Variants in MEDAG observed in about 807,000 individuals in gnomAD.
MEDAG encodes mesenteric estrogen-dependent adipogenesis protein.
A neutral mutation model predicts 29.9 loss-of-function variants in MEDAG; 25 were observed. The ratio of observed to expected loss-of-function variants is 0.84; its 90% confidence interval spans 0.61 to 1.17. MEDAG has a LOEUF of 1.17. Ranked by LOEUF, MEDAG falls within the 50% of genes most tolerant of loss-of-function variation. The probability of loss-of-function intolerance (pLI) is 0.00; values close to 1 mark genes in which losing one functional copy is unlikely to be tolerated. For missense variants in MEDAG, 398 were observed against 372.9 expected (o/e 1.07, Z -0.56); for synonymous variants, 158 against 148.2 (o/e 1.07, Z -0.48).
chr13:30,909,290 G>A (rs1207285643), intron 1 of MEDAG, among the ~76,000 whole-genome samples: 1 of 151,984 alleles, frequency 6.6e-6, no homozygotes, highest in African/African-American at 2.4e-5. Flanking sequence ...TTTCCTCGAG[G>A]CCAGGCAGTT....
rs1005094034 is a variant in MEDAG, at chr13:30,925,343, A to C, written c.*908A>C. 1 of 152,230 alleles carries C rather than the reference A, an allele frequency of 6.6e-6. No homozygotes were observed. The highest frequency in any genetic ancestry group is 2.4e-5 in the African/African-American group (1 of 41,456). 9.4% of individuals were successfully genotyped at this position (152,230 alleles called of 1,614,324 possible). A position where few individuals can be genotyped will look rare whatever the true frequency, so the allele number is the denominator to read the frequency against. On this transcript the variant is annotated 3_prime_UTR_variant, in exon 5 of 5. Transcript: ENST00000380482. The stretch of plus-strand genomic sequence containing the variant: ...AAAAGGAAAAAAAAATCCTATCTAC[A>C]TATAAAAACCTGCATGAATGAATCA...
Position 30,921,770 on chromosome 13 carries a change from A to G in MEDAG, c.711A>G (p.Leu237=), listed in dbSNP as rs536772013. 1 of 1,613,502 alleles carries G rather than the reference A, an allele frequency of 6.2e-7. No homozygotes were observed. Among genetic ancestry groups the G allele is most frequent in the Non-Finnish European group, 8.5e-7 (1 of 1,179,850 alleles). The change falls in exon 4 of 5, where the codon TTA becomes TTG. Residue 237 remains leucine, a synonymous_variant. Coordinates refer to ENST00000380482, the MANE Select transcript of MEDAG (RefSeq NM_032849.4). ...TSPEKKETIK[L]FLEKMSEPLI... is the part of the protein sequence containing the mutation. ...CAGAAAAGAAGGAGACGATTAAGTT[A>G]TTTCTGGAAAAAATGAGTGAGCCTT...
At position 30,921,488 on chromosome 13, in the gene MEDAG, C is replaced by T. The variant is rs756349736; in HGVS notation, c.502-73C>T. ...AGGTGTGATGTTTTGGATATTTAGG[C>T]GGTTGTTAGTTCTACAATGTCAACA... On this transcript the variant is annotated intron_variant, in intron 3 of 4. Transcript: ENST00000380482. 8 of 1,346,790 alleles carry T rather than the reference C, an allele frequency of 5.9e-6. No individual in the cohort carries two copies. In the East Asian group the frequency reaches 9.3e-5, roughly 16 times the overall value. 83.4% of individuals were successfully genotyped at this position (1,346,790 alleles called of 1,614,324 possible).
At chr13:30,922,825 C>G (rs1353587746) in intron 4 of MEDAG, 1 of 152,214 alleles carries the variant, frequency 6.6e-6, no homozygotes, top group African/African-American at 2.4e-5. Flanking sequence ...AGAAAACCAG[C>G]AGTCTCTGTG....
At chr13:30,911,781 A>G (rs1952884741) in intron 1 of MEDAG, among the ~76,000 whole-genome samples, 1 of 152,210 alleles carries the variant, frequency 6.6e-6, no homozygotes, top group Non-Finnish European at 1.5e-5. Flanking sequence ...GTCTTAGACC[A>G]GTGCTTCTCA....
chr13:30,908,347 T>G lies in MEDAG; in HGVS notation c.278+1554T>G, dbSNP rs116559172. Among the ~76,000 whole-genome samples the G allele has an allele frequency of 8.6e-3, 1,317 of 152,320 alleles. 31 individuals are homozygous for G. Among genetic ancestry groups the G allele is most frequent in the African/African-American group, 0.03 (1,262 of 41,564 alleles). ...GGCTATCATTGTATAAGCAATACTG[T>G]GAGGGCTTCTTTTGTACCTGGGAAA... is the stretch of plus-strand genomic sequence containing the variant. On this transcript the variant is annotated intron_variant, in intron 1 of 4. Transcript: ENST00000380482.
Position 30,919,435 on chromosome 13 carries a change from C to G in MEDAG, c.389-1579C>G, listed in dbSNP as rs149968379. Among the ~76,000 whole-genome samples, 4 of 152,312 alleles carry G rather than the reference C, an allele frequency of 2.6e-5. No homozygotes were observed. The East Asian group carries it at 7.7e-4, about 29-fold the overall frequency. ...TTAGGCAGTGTACAACCTGCCCCAT[C>G]AGCACAACTGTGGAGTGTTGTGGCC... On this transcript the variant is annotated intron_variant, in intron 2 of 4. Transcript: ENST00000380482.
chr13:30,911,771 G>A (rs1952884629), intron 1 of MEDAG, among the ~76,000 whole-genome samples: 1 of 152,160 alleles, frequency 6.6e-6, no homozygotes, highest in African/African-American at 2.4e-5. Flanking sequence ...CAGGGACCAT[G>A]TCTTAGACCA....
At chr13:30,909,334 A>G (rs1309720621) in intron 1 of MEDAG, among the ~76,000 whole-genome samples, 3 of 151,992 alleles carry the variant, frequency 2.0e-5, no homozygotes, top group East Asian at 1.9e-4. Context: ...TGCCTTGTCT[A>G]TCATCTTCAG....
At chr13:30,911,992 C>T (rs771077953) in intron 1 of MEDAG, among the ~76,000 whole-genome samples, 3 of 152,156 alleles carry the variant, frequency 2.0e-5, no homozygotes, top group Non-Finnish European at 4.4e-5. Flanking sequence ...CCCTAGGAGA[C>T]TATATGCTTC....
chr13:30,908,723 C>T (rs1209695478), intron 1 of MEDAG: 1 of 142,168 alleles, frequency 7.0e-6, no homozygotes, highest in African/African-American at 2.6e-5. Context: ...CCCTCTCTCC[C>T]TCCCTCCCTC....
rs546108601 is a variant in MEDAG, at chr13:30,925,248, A to C, written c.*813A>C. 2 of 152,360 alleles carry C rather than the reference A, an allele frequency of 1.3e-5. No individual in the cohort carries two copies. The highest frequency in any genetic ancestry group is 6.5e-5 in the Admixed American group (1 of 15,308). The allele number at this position is 152,360 out of a possible 1,614,324, so 9.4% of individuals were successfully genotyped here. ...AGCTTTTAGCAAACCTAACACTAAA[A>C]GCAAAATAGAAGAAAGCTATACCAT... On this transcript the variant is annotated 3_prime_UTR_variant, in exon 5 of 5. Transcript: ENST00000380482.
chr13:30,910,193 AACAC>A lies in MEDAG; in HGVS notation c.278+3422_278+3425del, dbSNP rs77242350. ...TACCATTAACTACGACACACACACAAACACACACACACACACACACACACATGTT... is the reference window on the plus strand; with the variant it reads ...TACCATTAACTACGACACACACACAAACACACACACACACACACACATGTT... On this transcript the variant is annotated intron_variant, in intron 1 of 4. Coordinates refer to ENST00000380482, the MANE Select transcript of MEDAG (RefSeq NM_032849.4). Among the ~76,000 whole-genome samples the A allele has an allele frequency of 3.3e-5, 5 of 149,274 alleles. 1 individual carries two copies. The highest frequency in any genetic ancestry group is 4.3e-4 in the South Asian group (2 of 4,622).
At chr13:30,917,334 C>A in intron 1 of MEDAG, 69 bp from the exon 2 acceptor site, 1 of 932,600 alleles carries the variant, frequency 1.1e-6, no homozygotes, top group Non-Finnish European at 1.8e-6. Context: ...GATACCTGTC[C>A]AGTACATCCC....
intron 1 of MEDAG, among the ~76,000 whole-genome samples, chr13:30,908,104 G>C (rs1343945): frequency 0.41 from 61,912 of 152,078 alleles, 12,851 homozygotes; most frequent in Admixed American, 0.43. Context: ...GTAAGTTAGG[G>C]TTTTGACAGA....
At chr13:30,914,057 G>A (rs940439671) in intron 1 of MEDAG, among the ~76,000 whole-genome samples, 20 of 151,938 alleles carry the variant, frequency 1.3e-4, no homozygotes, top group Non-Finnish European at 2.2e-4. Flanking sequence ...ACAAACAAAC[G>A]AACACACAAA....
chr13:30,915,170 C>T lies in MEDAG; in HGVS notation c.279-2233C>T, dbSNP rs182696522. On this transcript the variant is annotated intron_variant, in intron 1 of 4. Coordinates refer to ENST00000380482, the MANE Select transcript of MEDAG (RefSeq NM_032849.4). ...TTTCTCCCTCTGTATCCTCACCCCC[C>T]ACGTAACAACATACTTCACCTTCTC... Among the ~76,000 whole-genome samples the T allele has an allele frequency of 3.9e-4, 60 of 152,216 alleles. No individual in the cohort carries two copies. In the East Asian group the frequency reaches 0.011, roughly 28 times the overall value.
At chr13:30,917,176 T>C (rs931309824) in intron 1 of MEDAG, among the ~76,000 whole-genome samples, 1 of 152,216 alleles carries the variant, frequency 6.6e-6, no homozygotes, top group African/African-American at 2.4e-5. Flanking sequence ...CAAGTGTTGA[T>C]GCCAGGACAC....
rs1285519167 is a variant in MEDAG, at chr13:30,921,134, T to G, written c.501+8T>G. The G allele has an allele frequency of 3.0e-5, 49 of 1,606,614 alleles. No individual in the cohort carries two copies. In the Admixed American group the frequency reaches 8.2e-4, roughly 27 times the overall value. On this transcript the variant is annotated splice_region_variant and intron_variant, in intron 3 of 4. Transcript: ENST00000380482. Reference sequence around the variant, plus strand: ...GAAAGTTACCGGCTTCAGGTAAGCCTAGCCTGTCTGAATCCAGGGCTGTCA... The same window carrying G: ...GAAAGTTACCGGCTTCAGGTAAGCCGAGCCTGTCTGAATCCAGGGCTGTCA...
Sources: gnomAD v4.1 joint callset for allele counts (sites outside exome capture counted in the v4.1 genomes callset) on GRCh38, gnomAD v4.1.1 for gene constraint, MANE v1.5 for transcripts, NCBI Gene and HGNC (gene_info 2026-07-23, HGNC 2026-07-21) for gene names.